Variants in TOM1L2 observed in about 807,000 individuals in gnomAD.
The protein encoded by TOM1L2 is TOM1-like protein 2.
A neutral mutation model predicts 67.9 loss-of-function variants in TOM1L2; 31 were observed. That is an observed-to-expected ratio of 0.46 (90% CI 0.34 to 0.62). TOM1L2 has a LOEUF of 0.62. Among genes scored for constraint, TOM1L2 ranks in the 20% least tolerant of loss-of-function variants. The pLI, the probability that TOM1L2 is intolerant of heterozygous loss-of-function variation, is 0.01. For missense variants in TOM1L2, 606 were observed against 663.5 expected, an observed-to-expected ratio of 0.91 and a Z score of 0.95; for synonymous variants, 256 against 254.0, an observed-to-expected ratio of 1.01 and a Z score of -0.07.
At position 17,869,477 on chromosome 17, in the gene TOM1L2, G is replaced by T. The variant is rs1380888720; in HGVS notation, c.778-4C>A. The T allele has an allele frequency of 6.2e-7, 1 of 1,601,656 alleles. No homozygotes were observed. Among genetic ancestry groups the T allele is most frequent in the Admixed American group, 1.7e-5 (1 of 59,118 alleles). On this transcript the variant is annotated splice_region_variant and splice_polypyrimidine_tract_variant and intron_variant, in intron 7 of 14. Transcript: ENST00000379504. Reference sequence around the variant, plus strand: ...CCCGACAGGTCCTGTTGAGCTCCTAGGGAACACATGCACCTCTGGGTAGCC... The same window carrying T: ...CCCGACAGGTCCTGTTGAGCTCCTATGGAACACATGCACCTCTGGGTAGCC...
intron 7 of TOM1L2, among the ~76,000 whole-genome samples, chr17:17,876,742 C>G (rs1210017309): frequency 2.6e-5 from 4 of 152,258 alleles, no homozygotes; most frequent in African/African-American, 7.2e-5. Context: ...AGTGGGAGGG[C>G]AAGGATGGGG....
intron 1 of TOM1L2, among the ~76,000 whole-genome samples, chr17:17,914,304 C>T (rs1598328177): frequency 6.6e-6 from 1 of 152,204 alleles, no homozygotes; most frequent in Non-Finnish European, 1.5e-5. Flanking sequence ...TCAGTGGCTA[C>T]ATTGTGTCCT....
At chr17:17,920,499 C>G (rs1017367133) in intron 1 of TOM1L2, among the ~76,000 whole-genome samples, 2 of 151,800 alleles carry the variant, frequency 1.3e-5, no homozygotes, top group African/African-American at 4.8e-5. Context: ...TGTCACCACA[C>G]CAGCTAATTT....
intron 1 of TOM1L2, among the ~76,000 whole-genome samples, chr17:17,954,558 C>T (rs1210933847): frequency 6.6e-6 from 1 of 152,240 alleles, no homozygotes; most frequent in East Asian, 1.9e-4. Context: ...GATGACCCAC[C>T]CACCTTGGCC....
chr17:17,862,563 G>T (rs2036617859), intron 11 of TOM1L2, 168 bp downstream of exon 11: 4 of 629,124 alleles, frequency 6.4e-6, no homozygotes, highest in South Asian at 5.8e-5. Context: ...GTGGGCAGTT[G>T]GTATTTATTC....
At chr17:17,966,764 T>C (rs1235039391) in intron 1 of TOM1L2, among the ~76,000 whole-genome samples, 2 of 152,200 alleles carry the variant, frequency 1.3e-5, no homozygotes, top group South Asian at 2.1e-4. Flanking sequence ...ACCCAAATAG[T>C]TAAATGTTGT....
intron 1 of TOM1L2, 134 bp downstream of exon 1, chr17:17,972,128 G>GTA: frequency 9.0e-7 from 1 of 1,115,806 alleles, no homozygotes; most frequent in Non-Finnish European, 1.3e-6. Flanking sequence ...GCCCGCTCGT[G>GTA]GAGTGGCACC....
intron 1 of TOM1L2, among the ~76,000 whole-genome samples, chr17:17,925,090 G>A (rs1273404063): frequency 6.6e-6 from 1 of 152,022 alleles, no homozygotes; most frequent in African/African-American, 2.4e-5. Flanking sequence ...TTCCCCTTCT[G>A]CCATGAGTAA....
rs1417361268 is a variant in TOM1L2, at chr17:17,972,382, G to C, written c.-69C>G. The C allele has an allele frequency of 1.3e-6, 2 of 1,543,718 alleles. No homozygotes were observed. Among genetic ancestry groups the C allele is most frequent in the Non-Finnish European group, 1.7e-6 (2 of 1,142,906 alleles). On this transcript the variant is annotated 5_prime_UTR_variant, in exon 1 of 15. Transcript: ENST00000379504. ...CCTAGGCCTCCGCTGTAACCCGCCG[G>C]ACTCCCGTCCTGACTGACACTTGCC...
intron 2 of TOM1L2, among the ~76,000 whole-genome samples, chr17:17,903,539 G>A (rs1322923412): frequency 6.6e-6 from 1 of 151,724 alleles, no homozygotes; most frequent in African/African-American, 2.4e-5. Context: ...CATGAACCCG[G>A]GAGGCGGAGC....
At chr17:17,925,656 A>G (rs1221869013) in intron 1 of TOM1L2, among the ~76,000 whole-genome samples, 1 of 148,264 alleles carries the variant, frequency 6.7e-6, no homozygotes, top group African/African-American at 2.5e-5. Context: ...AGCCTGGCCA[A>G]CATAGCGACC....
At chr17:17,942,124 T>C (rs1463666605) in intron 1 of TOM1L2, among the ~76,000 whole-genome samples, 1 of 152,218 alleles carries the variant, frequency 6.6e-6, no homozygotes, top group Admixed American at 6.5e-5. Context: ...GCAGAAGATA[T>C]GGACAAAGGA....
chr17:17,874,978 C>T (rs2037348987), intron 7 of TOM1L2, among the ~76,000 whole-genome samples: 1 of 152,154 alleles, frequency 6.6e-6, no homozygotes, highest in South Asian at 2.1e-4. Context: ...AAGAAAAGGC[C>T]ATGCGTGGTG....
chr17:17,950,586 T>C (rs12940832), intron 1 of TOM1L2, among the ~76,000 whole-genome samples: 8,652 of 152,250 alleles, frequency 0.057, 378 homozygotes, highest in Non-Finnish European at 0.089. Context: ...CCCATTCTAA[T>C]GAGAGTGAGT....
intron 1 of TOM1L2, among the ~76,000 whole-genome samples, chr17:17,950,476 T>TA (rs2041155335): frequency 6.6e-6 from 1 of 151,852 alleles, no homozygotes; most frequent in South Asian, 2.1e-4. Context: ...TTTTTTTTTT[T>TA]AGAGACAGGG....
intron 1 of TOM1L2, among the ~76,000 whole-genome samples, chr17:17,951,985 T>C (rs574132087): frequency 6.6e-6 from 1 of 152,300 alleles, no homozygotes; most frequent in South Asian, 2.1e-4. Flanking sequence ...AATACTCTTA[T>C]AGTCTGACAT....
At chr17:17,878,056 C>G (rs1249851394) in intron 7 of TOM1L2, among the ~76,000 whole-genome samples, 1 of 152,252 alleles carries the variant, frequency 6.6e-6, no homozygotes, top group Non-Finnish European at 1.5e-5. Flanking sequence ...GACGCTGACA[C>G]AGCACAAAGC....
intron 12 of TOM1L2, chr17:17,858,338 G>A (rs530617648): frequency 3.2e-5 from 5 of 154,408 alleles, no homozygotes; most frequent in African/African-American, 1.2e-4. Context: ...AGGTCTCACT[G>A]TGTTGCCCGG....
intron 12 of TOM1L2, among the ~76,000 whole-genome samples, chr17:17,853,624 T>G (rs944972842): frequency 5.3e-5 from 8 of 152,188 alleles, no homozygotes; most frequent in Non-Finnish European, 1.0e-4. Flanking sequence ...ATAAGTAGTA[T>G]GTTTATGGAA....
Sources: gnomAD v4.1 joint callset for allele counts (sites outside exome capture counted in the v4.1 genomes callset) on GRCh38, gnomAD v4.1.1 for gene constraint, MANE v1.5 for transcripts, NCBI Gene and HGNC (gene_info 2026-07-23, HGNC 2026-07-21) for gene names.